Variants in DAB1 observed in about 807,000 individuals in gnomAD.
The protein encoded by DAB1 is DAB adaptor protein 1.
DAB1 carries 15 observed loss-of-function variants against 64.6 expected under a neutral mutation model. The observed-to-expected ratio is 0.23, with a 90% CI of 0.16 to 0.36. The LOEUF (loss-of-function observed/expected upper bound fraction) is 0.36, where lower values mean the gene tolerates loss of function less well. DAB1 is among the 10% of genes least tolerant of loss of function. DAB1 has a pLI of 1.00. For synonymous variants in DAB1, 235 were observed against 251.9 expected (o/e 0.93, Z 0.64); for missense variants, 596 against 706.7 (o/e 0.84, Z 1.78).
At chr1:57,610,486 G>A (rs1392618304) in intron 7 of DAB1, among the ~76,000 whole-genome samples, 1 of 152,160 alleles carries the variant, frequency 6.6e-6, no homozygotes, top group Non-Finnish European at 1.5e-5. Flanking sequence ...TTTGACCCCA[G>A]CAGTCTGGTT....
intron 1 of DAB1, chr1:58,533,792 TA>T: frequency 1.7e-6 from 1 of 597,300 alleles, no homozygotes. Context: ...TTCTCAAAAT[TA>T]GCCAATCACG....
intron 4 of DAB1, among the ~76,000 whole-genome samples, chr1:58,339,218 C>T (rs962460646): frequency 1.3e-5 from 2 of 151,972 alleles, no homozygotes; most frequent in Non-Finnish European, 2.9e-5. Flanking sequence ...AACTACAAGA[C>T]GAAACTTGTT....
At chr1:57,002,421 T>G (rs900793251) in intron 14 of DAB1, among the ~76,000 whole-genome samples, 6 of 152,174 alleles carry the variant, frequency 3.9e-5, no homozygotes, top group Non-Finnish European at 1.5e-5. Flanking sequence ...GATTTGGGCT[T>G]AAGGTAAGTA....
At chr1:57,116,462 A>AAAAG (rs1656129774) in intron 4 of DAB1, among the ~76,000 whole-genome samples, 1 of 38,284 alleles carries the variant, frequency 2.6e-5, no homozygotes, top group South Asian at 8.3e-4. Context: ...ACTCTGTCTC[A>AAAAG]AAAAAAAAAA....
At chr1:57,813,947 T>G (rs1651742799) in intron 6 of DAB1, among the ~76,000 whole-genome samples, 1 of 152,248 alleles carries the variant, frequency 6.6e-6, no homozygotes, top group African/African-American at 2.4e-5. Flanking sequence ...ATTTTTGTCC[T>G]TTTCACTCTT....
chr1:58,378,921 C>A (rs551514690), intron 3 of DAB1, among the ~76,000 whole-genome samples: 2 of 80,448 alleles, frequency 2.5e-5, no homozygotes, highest in Non-Finnish European at 4.7e-5. Context: ...GCGCAATATT[C>A]GGGTGGGAGT....
intron 4 of DAB1, among the ~76,000 whole-genome samples, chr1:58,328,687 C>A (rs1446898395): frequency 6.6e-6 from 1 of 152,158 alleles, no homozygotes; most frequent in African/African-American, 2.4e-5. Context: ...CTCACTGCAA[C>A]CTCCACCTAC....
intron 2 of DAB1, among the ~76,000 whole-genome samples, chr1:57,245,740 A>G (rs1003420367): frequency 4.6e-5 from 7 of 152,258 alleles, no homozygotes; most frequent in African/African-American, 1.7e-4. Context: ...CGCAATAAAC[A>G]TACTTGTGCA....
intron 4 of DAB1, among the ~76,000 whole-genome samples, chr1:58,231,135 T>A (rs1659758052): frequency 6.6e-6 from 1 of 152,202 alleles, no homozygotes; most frequent in African/African-American, 2.4e-5. Flanking sequence ...TCAAGAAGCA[T>A]TAGTTGTCAT....
At chr1:57,000,662 G>A (rs1467974568) in intron 14 of DAB1, among the ~76,000 whole-genome samples, 1 of 152,126 alleles carries the variant, frequency 6.6e-6, no homozygotes, top group Non-Finnish European at 1.5e-5. Context: ...AAATAGTTAA[G>A]TACAACTACT....
At chr1:58,255,832 T>C (rs2100411486) in intron 4 of DAB1, among the ~76,000 whole-genome samples, 1 of 152,348 alleles carries the variant, frequency 6.6e-6, no homozygotes, top group African/African-American at 2.4e-5. Context: ...GTTAAATGTC[T>C]CTTCCACTTT....
intron 7 of DAB1, among the ~76,000 whole-genome samples, chr1:57,551,829 G>T (rs1430897944): frequency 6.6e-6 from 1 of 152,142 alleles, no homozygotes; most frequent in Non-Finnish European, 1.5e-5. Context: ...AGGAGAGATT[G>T]CAAGAAACTT....
chr1:57,443,252 G>A (rs1686019851), intron 7 of DAB1, among the ~76,000 whole-genome samples: 2 of 152,168 alleles, frequency 1.3e-5, no homozygotes, highest in African/African-American at 4.8e-5. Flanking sequence ...CAGTTCACAT[G>A]TGTTTGTAGT....
At chr1:57,334,542 T>C (rs914706820) in intron 1 of DAB1, among the ~76,000 whole-genome samples, 2 of 152,244 alleles carry the variant, frequency 1.3e-5, no homozygotes, top group Non-Finnish European at 2.9e-5. Flanking sequence ...CCTTACGACA[T>C]GTTAGGGTTT....
chr1:57,533,673 T>TAAAA (rs5774353), intron 7 of DAB1, among the ~76,000 whole-genome samples: 5 of 147,918 alleles, frequency 3.4e-5, no homozygotes, highest in African/African-American at 1.2e-4. Context: ...CAGCCAAAAT[T>TAAAA]AAAAAAAAAA....
At chr1:57,180,927 T>C (rs568004815) in intron 2 of DAB1, among the ~76,000 whole-genome samples, 9 of 152,314 alleles carry the variant, frequency 5.9e-5, no homozygotes, top group African/African-American at 1.7e-4. Context: ...TGCATTCTTT[T>C]CCCATAGTGG....
chr1:57,259,514 C>T (rs1670020043), intron 2 of DAB1, among the ~76,000 whole-genome samples: 2 of 152,072 alleles, frequency 1.3e-5, no homozygotes, highest in Admixed American at 1.3e-4. Flanking sequence ...ACTGGGTGAA[C>T]CACATGTGCA....
Position 57,873,427 on chromosome 1 carries a change from A to C in DAB1, n.87+10572T>G, listed in dbSNP as rs141549764. The stretch of plus-strand genomic sequence containing the variant: ...TTGTACTGGAGTAGATGAATGAATA[A>C]GCTATAATCACTATCTTTTGATGTT... On this transcript the variant is annotated intron_variant and non_coding_transcript_variant, in intron 1 of 1. Transcript: ENST00000477280. Among the ~76,000 whole-genome samples the C allele has an allele frequency of 7.7e-3, 1,175 of 152,292 alleles. 7 individuals are homozygous for C. Among genetic ancestry groups the C allele is most frequent in the Middle Eastern group, 0.017 (5 of 294 alleles).
chr1:57,783,291 T>C (rs961443587), intron 6 of DAB1, among the ~76,000 whole-genome samples: 1 of 151,790 alleles, frequency 6.6e-6, no homozygotes, highest in Admixed American at 6.6e-5. Context: ...TTATTATTTG[T>C]AGAGATGGGG....
Sources: gnomAD v4.1 joint callset for allele counts (sites outside exome capture counted in the v4.1 genomes callset) on GRCh38, gnomAD v4.1.1 for gene constraint, MANE v1.5 for transcripts, NCBI Gene and HGNC (gene_info 2026-07-23, HGNC 2026-07-21) for gene names.